ARHGEF17: variants seen among roughly 807,000 people sequenced by gnomAD.
The protein encoded by ARHGEF17 is Rho guanine nucleotide exchange factor 17.
ARHGEF17 carries 80 observed loss-of-function variants against 174.0 expected under a neutral mutation model. That is an observed-to-expected ratio of 0.46 (90% CI 0.38 to 0.55). The LOEUF is 0.55. ARHGEF17 is among the 20% of genes least tolerant of loss of function. The pLI, the probability that ARHGEF17 is intolerant of heterozygous loss-of-function variation, is 0.00. For synonymous variants in ARHGEF17, 1,311 were observed against 1,189.1 expected, an observed-to-expected ratio of 1.10 and a Z score of -2.11; for missense variants, 2,886 against 2,839.7, an observed-to-expected ratio of 1.02 and a Z score of -0.37.
chr11:73,356,358 G>A lies in ARHGEF17; in HGVS notation c.3840+7G>A, dbSNP rs111531913. 32 of 1,603,094 alleles carry A rather than the reference G, an allele frequency of 2.0e-5. 2 individuals carry two copies. In the African/African-American group the frequency reaches 2.9e-4, roughly 15 times the overall value. On this transcript the variant is annotated splice_region_variant and intron_variant, in intron 6 of 20. Transcript: ENST00000263674. Reference sequence around the variant, plus strand: ...CATCGAGGGCATGGAGGATGTGCGTGCGCCCTGCCCCACCCCACCCTACCC... The same window carrying A: ...CATCGAGGGCATGGAGGATGTGCGTACGCCCTGCCCCACCCCACCCTACCC...
In ARHGEF17 at chr11:73,334,800, G is replaced by A. The variant is rs530916020; in HGVS notation, c.3193-12083G>A. 3.9e-5 allele frequency among the ~76,000 whole-genome samples: 6 copies of A among 152,276 alleles called. No homozygotes were observed. The East Asian group carries it at 1.2e-3, about 29-fold the overall frequency. ...CTGAGGGAGGGAGAGAACAAGAGGGGCTGGAAACAGACCCTGGATAACTTC... is the reference window on the plus strand; with the variant it reads ...CTGAGGGAGGGAGAGAACAAGAGGGACTGGAAACAGACCCTGGATAACTTC... On this transcript the variant is annotated intron_variant, in intron 1 of 20. Transcript: ENST00000263674.
chr11:73,320,724 A>G (rs189685844), intron 1 of ARHGEF17, among the ~76,000 whole-genome samples: 10 of 151,182 alleles, frequency 6.6e-5, no homozygotes, highest in South Asian at 2.1e-4. Flanking sequence ...CAGTGGGTCA[A>G]TCATGGCTCA....
intron 1 of ARHGEF17, among the ~76,000 whole-genome samples, chr11:73,324,302 CCT>C (rs1251319544): frequency 6.6e-6 from 1 of 152,158 alleles, no homozygotes; most frequent in Non-Finnish European, 1.5e-5. Flanking sequence ...GCCAAGCCCT[CCT>C]GTTCCTGGCA....
chr11:73,350,061 G>A (rs1865527875), intron 2 of ARHGEF17, among the ~76,000 whole-genome samples: 1 of 152,208 alleles, frequency 6.6e-6, no homozygotes, highest in South Asian at 2.1e-4. Flanking sequence ...TAATAGACCT[G>A]CCTTGAGTGC....
intron 1 of ARHGEF17, 69 bp downstream of exon 1, chr11:73,311,899 C>G (rs1864844760): frequency 5.3e-6 from 8 of 1,503,400 alleles, no homozygotes; most frequent in Non-Finnish European, 7.1e-6. Flanking sequence ...TCGGTTGGAG[C>G]CTTTTGCATT....
intron 1 of ARHGEF17, among the ~76,000 whole-genome samples, chr11:73,338,868 G>T (rs1000446040): frequency 1.2e-4 from 18 of 152,102 alleles, no homozygotes; most frequent in African/African-American, 4.3e-4. Flanking sequence ...TAAGAAGGGA[G>T]AGTAATAATA....
At chr11:73,312,746 C>T (rs963670907) in intron 1 of ARHGEF17, among the ~76,000 whole-genome samples, 25 of 151,552 alleles carry the variant, frequency 1.6e-4, no homozygotes, top group Non-Finnish European at 4.4e-5. Flanking sequence ...GGTTCTTGTT[C>T]CCCCATCCTG....
chr11:73,324,953 C>T (rs1314667853), intron 1 of ARHGEF17, among the ~76,000 whole-genome samples: 1 of 152,114 alleles, frequency 6.6e-6, no homozygotes, highest in Non-Finnish European at 1.5e-5. Flanking sequence ...GGACCCTTCT[C>T]TTGGTGCTGG....
intron 2 of ARHGEF17, among the ~76,000 whole-genome samples, chr11:73,352,217 G>A (rs1269501673): frequency 1.3e-5 from 2 of 152,094 alleles, no homozygotes; most frequent in African/African-American, 4.8e-5. Context: ...CCAGCTACTC[G>A]GGAGGCTGAG....
intron 1 of ARHGEF17, among the ~76,000 whole-genome samples, chr11:73,332,350 C>CGTGT (rs58725771): frequency 0.02 from 2,360 of 120,644 alleles, 47 homozygotes; most frequent in East Asian, 0.04. Flanking sequence ...GCTTTTTCTC[C>CGTGT]GTGTGTGTGT....
intron 9 of ARHGEF17, among the ~76,000 whole-genome samples, chr11:73,358,857 C>T (rs1238524130): frequency 6.6e-6 from 1 of 152,172 alleles, no homozygotes; most frequent in Non-Finnish European, 1.5e-5. Context: ...GAGCTGTTCC[C>T]AGCCTCGGCC....
intron 9 of ARHGEF17, among the ~76,000 whole-genome samples, chr11:73,358,106 G>A (rs117874233): frequency 0.015 from 2,315 of 152,350 alleles, 23 homozygotes; most frequent in Middle Eastern, 0.048. Context: ...GAGCAAGAAT[G>A]GGGCAGGGTC....
At chr11:73,363,496 C>CT in intron 15 of ARHGEF17, 41 bp downstream of exon 15, 6 of 1,580,914 alleles carry the variant, frequency 3.8e-6, no homozygotes, top group Non-Finnish European at 5.2e-6. Flanking sequence ...TGCCAGAACT[C>CT]TGAGCTCCCT....
In ARHGEF17 at chr11:73,311,296, A is replaced by T; in HGVS notation, c.2658A>T (p.Glu886Asp). Residue 886 changes from glutamate to aspartate, a missense_variant, in exon 1 of 21, where the codon GAA (glutamate) becomes GAT (aspartate). Around this residue, in one of 4 missense-constraint regions of ARHGEF17, gnomAD observed 1,728 missense variants for 1,461.2 expected, o/e 1.18. Transcript: ENST00000263674. ...CCACCAGGAGCCGGGCACAGTCTGAAAGGGCCCTACCTGAGGCTCTGCCTC... is the reference window on the plus strand; with the variant it reads ...CCACCAGGAGCCGGGCACAGTCTGATAGGGCCCTACCTGAGGCTCTGCCTC... Reference protein sequence around the residue: ...PGATRSRAQSERALPEALPPP... With the variant: ...PGATRSRAQSDRALPEALPPP... The T allele has an allele frequency of 6.2e-7, 1 of 1,613,134 alleles. No homozygotes were observed. The highest frequency in any genetic ancestry group is 1.1e-5 in the South Asian group (1 of 91,084).
At chr11:73,364,015 C>CT (rs1865794817) in intron 16 of ARHGEF17, among the ~76,000 whole-genome samples, 157 bp from the exon 17 acceptor site, 1 of 152,190 alleles carries the variant, frequency 6.6e-6, no homozygotes, top group African/African-American at 2.4e-5. Flanking sequence ...AAGTCACCCC[C>CT]TTTTCTTAGC....
Position 73,357,085 on chromosome 11 carries a change from A to C in ARHGEF17, c.3952A>C (p.Thr1318Pro). 1 of 1,614,130 alleles carries C rather than the reference A, an allele frequency of 6.2e-7. No homozygotes were observed. The highest frequency in any genetic ancestry group is 8.5e-7 in the Non-Finnish European group (1 of 1,180,032). The change falls in exon 8 of 21, where the codon ACC becomes CCC. Residue 1318 changes from threonine (T) to proline (P), a missense_variant. Thr to Pro is a conservative substitution (Grantham distance 38, BLOSUM62 -1). Coordinates refer to ENST00000263674, the MANE Select transcript of ARHGEF17 (RefSeq NM_014786.4). ...LFLFTDLIVC[T>P]TLKRKSGSLR... ...CCTGTTCACGGACCTCATCGTCTGCACCACTCTGAAGCGAAAGTCAGGCTC... is the reference window on the plus strand; with the variant it reads ...CCTGTTCACGGACCTCATCGTCTGCCCCACTCTGAAGCGAAAGTCAGGCTC...
At position 73,314,245 on chromosome 11, in the gene ARHGEF17, G is replaced by A. The variant is rs141353153; in HGVS notation, c.3192+2415G>A. Among the ~76,000 whole-genome samples the A allele has an allele frequency of 2.3e-3, 344 of 152,344 alleles. 2 individuals carry two copies. Among genetic ancestry groups the A allele is most frequent in the Non-Finnish European group, 3.3e-3 (226 of 68,034 alleles). On this transcript the variant is annotated intron_variant, in intron 1 of 20. Transcript: ENST00000263674. ...TCCCTGGGCCGTGGGTGGAGATGGC[G>A]TGGTATGGACTCCAGAATAAGCAGA...
intron 15 of ARHGEF17, 45 bp from the exon 16 acceptor site, chr11:73,363,702 G>T (rs1392635509): frequency 6.2e-7 from 1 of 1,600,690 alleles, no homozygotes. Flanking sequence ...TCCAGGGGCT[G>T]GTGTGCCCCA....
At chr11:73,351,610 A>G (rs994168193) in intron 2 of ARHGEF17, among the ~76,000 whole-genome samples, 2 of 151,904 alleles carry the variant, frequency 1.3e-5, no homozygotes, top group African/African-American at 4.8e-5. Flanking sequence ...TTATTTATTT[A>G]TTTATTTAGT....
Sources: allele counts gnomAD v4.1 joint callset (sites outside exome capture counted in the v4.1 genomes callset), GRCh38; gene constraint gnomAD v4.1.1; regional missense constraint gnomAD v4.1.1; transcripts MANE v1.5; gene names NCBI Gene and HGNC (gene_info 2026-07-23, HGNC 2026-07-21).